RBFOX3: variants seen among roughly 807,000 people sequenced by gnomAD.
RBFOX3 encodes the protein RNA binding protein fox-1 homolog 3.
Under a neutral mutation model 48.7 loss-of-function variants are expected in RBFOX3, and 17 were observed. The observed-to-expected ratio is 0.35, with a 90% confidence interval of 0.24 to 0.52. The LOEUF is 0.52. Among genes scored for constraint, RBFOX3 ranks in the 20% least tolerant of loss-of-function variants. The probability of loss-of-function intolerance (pLI) is 0.94; values close to 1 mark genes in which losing one functional copy is unlikely to be tolerated. For synonymous variants in RBFOX3, 212 were observed against 209.5 expected, an observed-to-expected ratio of 1.01 and a Z score of -0.10; for missense variants, 382 against 497.5, an observed-to-expected ratio of 0.77 and a Z score of 2.21.
chr17:79,395,785 T>C (rs2061919095), intron 2 of RBFOX3, among the ~76,000 whole-genome samples: 1 of 152,172 alleles, frequency 6.6e-6, no homozygotes, highest in Non-Finnish European at 1.5e-5. Context: ...CAGGAGCCCA[T>C]CACGTCAGCC....
chr17:79,312,711 A>T (rs2077022216), intron 2 of RBFOX3, among the ~76,000 whole-genome samples: 1 of 152,124 alleles, frequency 6.6e-6, no homozygotes, highest in South Asian at 2.1e-4. Context: ...ACATAAAAAG[A>T]CCTCAGGGGT....
chr17:79,568,435 A>C lies in RBFOX3; in HGVS notation c.-320+42391T>G, dbSNP rs2092547082. On this transcript the variant is annotated intron_variant, in intron 1 of 14. Coordinates refer to ENST00000693108, the MANE Select transcript of RBFOX3 (RefSeq NM_001350451.2). ...TGGATTTTTAGGTTTGAGACACTCAACTGATAAGTATAAAGCAAATATTCC... is the reference window on the plus strand; with the variant it reads ...TGGATTTTTAGGTTTGAGACACTCACCTGATAAGTATAAAGCAAATATTCC... Among the ~76,000 whole-genome samples, 2 of 152,206 alleles carry C rather than the reference A, an allele frequency of 1.3e-5. 1 individual carries two copies. Among genetic ancestry groups the C allele is most frequent in the African/African-American group, 4.8e-5 (2 of 41,444 alleles).
At chr17:79,515,112 AC>A (rs2085057479) in intron 1 of RBFOX3, among the ~76,000 whole-genome samples, 1 of 152,134 alleles carries the variant, frequency 6.6e-6, no homozygotes, top group African/African-American at 2.4e-5. Flanking sequence ...ATCTGGCCCC[AC>A]CCACACATCT....
At chr17:79,558,453 G>A (rs890283974) in intron 1 of RBFOX3, among the ~76,000 whole-genome samples, 40 of 152,190 alleles carry the variant, frequency 2.6e-4, no homozygotes, top group Non-Finnish European at 4.4e-4. Context: ...CGGGGCTGAG[G>A]GCCCCAGGGT....
chr17:79,664,984 A>G, the RBFOX3 span, among the ~76,000 whole-genome samples: 4 of 152,212 alleles, frequency 2.6e-5, no homozygotes, highest in Non-Finnish European at 5.9e-5. Context: ...TGGAAAGATC[A>G]TAGTTTGTTT....
intron 1 of RBFOX3, among the ~76,000 whole-genome samples, chr17:79,517,516 A>T (rs1455011367): frequency 1.4e-5 from 2 of 146,260 alleles, no homozygotes; most frequent in Admixed American, 1.4e-4. Flanking sequence ...AGACGAAAGG[A>T]AGAGTTCTGA....
intron 1 of RBFOX3, among the ~76,000 whole-genome samples, chr17:79,512,068 C>T (rs2084363799): frequency 1.5e-5 from 2 of 129,584 alleles, no homozygotes; most frequent in African/African-American, 5.9e-5. Flanking sequence ...AGGGGATATA[C>T]ACCCGGATAC....
chr17:79,114,646 G>A (rs2033294976), intron 5 of RBFOX3, among the ~76,000 whole-genome samples: 1 of 152,234 alleles, frequency 6.6e-6, no homozygotes, highest in Non-Finnish European at 1.5e-5. Flanking sequence ...CCACTCCCGG[G>A]CAGTGCAGAG....
chr17:79,634,560 T>C, the RBFOX3 span, among the ~76,000 whole-genome samples: 9 of 152,134 alleles, frequency 5.9e-5, no homozygotes, highest in African/African-American at 9.7e-5. Flanking sequence ...GAGCACCCAC[T>C]GCATGTCCGA....
chr17:79,281,810 T>C (rs1319767947), intron 3 of RBFOX3, among the ~76,000 whole-genome samples: 1 of 152,198 alleles, frequency 6.6e-6, no homozygotes, highest in Non-Finnish European at 1.5e-5. Flanking sequence ...TGAAAGTAAA[T>C]ATATGCATGA....
At chr17:79,259,559 C>T (rs943524501) in intron 3 of RBFOX3, among the ~76,000 whole-genome samples, 4 of 152,194 alleles carry the variant, frequency 2.6e-5, no homozygotes, top group Non-Finnish European at 4.4e-5. Context: ...GCAGGCAGGA[C>T]TCTGGGGGCC....
At chr17:79,470,230 C>T (rs2076891538) in intron 2 of RBFOX3, among the ~76,000 whole-genome samples, 1 of 151,038 alleles carries the variant, frequency 6.6e-6, no homozygotes, top group Non-Finnish European at 1.5e-5. Context: ...CTACTGGAGA[C>T]ACCACCGCAG....
intron 4 of RBFOX3, among the ~76,000 whole-genome samples, chr17:79,231,161 G>A (rs2060992932): frequency 6.6e-6 from 1 of 152,154 alleles, no homozygotes; most frequent in Non-Finnish European, 1.5e-5. Context: ...CAAGGTGGCT[G>A]GAGTTATAAG....
chr17:79,103,147 C>T lies in RBFOX3; in HGVS notation c.507+15G>A. The T allele has an allele frequency of 6.5e-7, 1 of 1,545,828 alleles. No individual in the cohort carries two copies. The highest frequency in any genetic ancestry group is 8.8e-7 in the Non-Finnish European group (1 of 1,142,008). ...ATCTTGGGGCATCCCTGCCGCAGCA[C>T]ACTTATCTGAGCACCTCAATTTTCC... On this transcript the variant is annotated intron_variant, in intron 8 of 14. Transcript: ENST00000693108. This position sits in a 1 kb window ranked among gnomAD's most constrained non-coding sequence, Gnocchi z 6.1.
chr17:79,444,602 C>T (rs1246639968), intron 2 of RBFOX3, among the ~76,000 whole-genome samples: 1 of 152,062 alleles, frequency 6.6e-6, no homozygotes, highest in Non-Finnish European at 1.5e-5. Context: ...CCTCTCTGTC[C>T]CCTGATGTGA....
the RBFOX3 span, among the ~76,000 whole-genome samples, chr17:79,635,424 C>T: frequency 3.3e-5 from 5 of 152,166 alleles, no homozygotes; most frequent in Admixed American, 2.0e-4. Flanking sequence ...TTCCCTGCCA[C>T]GTTCCCTTCC....
chr17:79,315,133 T>C (rs1481496397), intron 2 of RBFOX3, among the ~76,000 whole-genome samples: 3 of 152,214 alleles, frequency 2.0e-5, no homozygotes, highest in South Asian at 2.1e-4. Flanking sequence ...CTATGATTAG[T>C]GGCTCTGTAG....
intron 2 of RBFOX3, among the ~76,000 whole-genome samples, chr17:79,475,587 G>GT (rs1265431886): frequency 1.3e-5 from 2 of 152,204 alleles, no homozygotes; most frequent in African/African-American, 2.4e-5. Context: ...TGTGATGAAG[G>GT]TAAGAGGTGG....
chr17:79,513,941 T>C (rs1191596268), intron 1 of RBFOX3, among the ~76,000 whole-genome samples: 1 of 152,190 alleles, frequency 6.6e-6, no homozygotes, highest in Non-Finnish European at 1.5e-5. Flanking sequence ...GGAATTTGGC[T>C]AGGGCTGCCA....
Sources: gnomAD v4.1 joint callset for allele counts (sites outside exome capture counted in the v4.1 genomes callset) on GRCh38, gnomAD v4.1.1 for gene constraint, Gnocchi (gnomAD v3.1) non-coding constraint, MANE v1.5 for transcripts, NCBI Gene and HGNC (gene_info 2026-07-23, HGNC 2026-07-21) for gene names.